The following MSANTD1 variants were observed in gnomAD, a reference collection of about 807,000 sequenced individuals.
MSANTD1 encodes the protein myb/SANT-like DNA-binding domain-containing protein 1.
Under a neutral mutation model 24.2 loss-of-function variants are expected in MSANTD1, and 7 were observed. That is an observed-to-expected ratio of 0.29 (90% CI 0.16 to 0.54). MSANTD1 has a LOEUF of 0.54. MSANTD1 is among the 20% of genes least tolerant of loss of function. MSANTD1 has a pLI of 0.94. For synonymous variants in MSANTD1, 177 were observed against 181.1 expected (o/e 0.98, Z 0.18); for missense variants, 384 against 408.2 (o/e 0.94, Z 0.51).
At chr4:3,255,476 T>C (rs1051884462) in intron 2 of MSANTD1, among the ~76,000 whole-genome samples, 1 of 152,132 alleles carries the variant, frequency 6.6e-6, no homozygotes, top group Admixed American at 6.5e-5. Flanking sequence ...CACCTGCCTC[T>C]GCCTCCCAAA....
intron 1 of MSANTD1, among the ~76,000 whole-genome samples, chr4:3,250,147 G>A (rs903281193): frequency 3.3e-5 from 5 of 152,182 alleles, no homozygotes; most frequent in African/African-American, 1.2e-4. Flanking sequence ...GAAATCACCA[G>A]GTGAGGTGCA....
chr4:3,251,827 T>G (rs1297324450), intron 1 of MSANTD1, among the ~76,000 whole-genome samples: 1 of 152,090 alleles, frequency 6.6e-6, no homozygotes, highest in Admixed American at 6.5e-5. Context: ...GAATAGGCCT[T>G]TTCTCGTTTC....
At chr4:3,250,434 G>A (rs1187087801) in intron 1 of MSANTD1, among the ~76,000 whole-genome samples, 2 of 152,224 alleles carry the variant, frequency 1.3e-5, no homozygotes, top group East Asian at 3.8e-4. Flanking sequence ...ACAGGGTCCC[G>A]GGTGGGCAGG....
chr4:3,256,107 C>A lies in MSANTD1; in HGVS notation c.*142C>A, dbSNP rs1466776239. 2 of 1,059,776 alleles carry A rather than the reference C, an allele frequency of 1.9e-6. No homozygotes were observed. The highest frequency in any genetic ancestry group is 6.1e-5 in the East Asian group (2 of 32,888). 65.6% of individuals were successfully genotyped at this position (1,059,776 alleles called of 1,614,324 possible). A position where few individuals can be genotyped will look rare whatever the true frequency, so the allele number is the denominator to read the frequency against. Reference sequence around the variant, plus strand: ...TCCACCTGGCCTCTGGCAGGATGTCCCTTCTGAGGGGTATTTTGAGGAACC... The same window carrying A: ...TCCACCTGGCCTCTGGCAGGATGTCACTTCTGAGGGGTATTTTGAGGAACC... On this transcript the variant is annotated 3_prime_UTR_variant, in exon 3 of 3. Transcript: ENST00000438480.
intron 2 of MSANTD1, among the ~76,000 whole-genome samples, chr4:3,254,322 C>T (rs147092586): frequency 9.8e-5 from 15 of 152,328 alleles, no homozygotes; most frequent in African/African-American, 3.4e-4. Context: ...ATGCCGGGGG[C>T]CGCTGCTTGA....
At chr4:3,249,002 C>T (rs1032538425), upstream of MSANTD1, 3 of 415,060 alleles carry the variant, frequency 7.2e-6, no homozygotes, top group East Asian at 3.8e-5. Flanking sequence ...GCCCGCTCGC[C>T]GCAATATTGA....
intron 1 of MSANTD1, among the ~76,000 whole-genome samples, chr4:3,250,249 G>T (rs778665742): frequency 6.6e-6 from 1 of 152,174 alleles, no homozygotes; most frequent in Non-Finnish European, 1.5e-5. Context: ...GGGGGCTCCC[G>T]GCCTGGCCCC....
intron 1 of MSANTD1, among the ~76,000 whole-genome samples, chr4:3,250,797 G>A (rs1722201468): frequency 6.6e-6 from 1 of 152,152 alleles, no homozygotes; most frequent in Admixed American, 6.5e-5. Context: ...GCCACTTGTG[G>A]GAGAGGCCAC....
chr4:3,250,608 G>A (rs530744780), intron 1 of MSANTD1, among the ~76,000 whole-genome samples: 1 of 152,306 alleles, frequency 6.6e-6, no homozygotes, highest in Non-Finnish European at 1.5e-5. Context: ...AGCAAGAGCT[G>A]GAAGCTGCAG....
chr4:3,253,654 G>A (rs1560618127), intron 2 of MSANTD1, among the ~76,000 whole-genome samples, 172 bp downstream of exon 2: 1 of 152,234 alleles, frequency 6.6e-6, no homozygotes, highest in African/African-American at 2.4e-5. Flanking sequence ...GGGCTTTAGT[G>A]TCCACAGGCA....
intron 1 of MSANTD1, among the ~76,000 whole-genome samples, 178 bp downstream of exon 1, chr4:3,249,720 G>A (rs535359871): frequency 2.1e-4 from 32 of 152,264 alleles, no homozygotes; most frequent in South Asian, 6.2e-4. Context: ...CACGGAAACC[G>A]TGTGTGCAGC....
At chr4:3,250,743 G>A (rs1007079733) in intron 1 of MSANTD1, among the ~76,000 whole-genome samples, 2 of 152,150 alleles carry the variant, frequency 1.3e-5, no homozygotes, top group African/African-American at 2.4e-5. Flanking sequence ...TCCACCTCCG[G>A]GTCAGGCAGG....
upstream of MSANTD1, chr4:3,249,135 C>CT: frequency 1.6e-6 from 2 of 1,222,126 alleles, no homozygotes; most frequent in Non-Finnish European, 2.1e-6. Context: ...CGTTTAAAAG[C>CT]TTTTAACTAA....
At position 3,253,238 on chromosome 4, in the gene MSANTD1, G is replaced by A. The variant is rs199809605; in HGVS notation, c.352G>A (p.Ala118Thr). Reference sequence around the variant, plus strand: ...AAAATGCATGACAGATAGCGAGTCCGCCCCGCCCGACTGGCCCTATTACCT... The same window carrying A: ...AAAATGCATGACAGATAGCGAGTCCACCCCGCCCGACTGGCCCTATTACCT... ...KLKCMTDSES[A>T]PPDWPYYLAI... Residue 118 changes from alanine to threonine, a missense_variant, in exon 2 of 3, where the codon GCC becomes ACC. Ala to Thr is a moderately conservative substitution (Grantham distance 58). Transcript: ENST00000438480. 9 of 1,578,832 alleles carry A rather than the reference G, an allele frequency of 5.7e-6. No individual in the cohort carries two copies. Among genetic ancestry groups the A allele is most frequent in the South Asian group, 1.2e-5 (1 of 86,078 alleles).
intron 1 of MSANTD1, 118 bp from the exon 2 acceptor site, chr4:3,253,089 C>G (rs1452171580): frequency 9.0e-7 from 1 of 1,109,708 alleles, no homozygotes; most frequent in African/African-American, 1.6e-5. Context: ...GAGGCCCTTG[C>G]CAGCCGAGAG....
upstream of MSANTD1, among the ~76,000 whole-genome samples, chr4:3,245,961 G>A (rs886906772): frequency 2.0e-4 from 30 of 152,178 alleles, no homozygotes; most frequent in African/African-American, 7.2e-4. Context: ...TTCCCCTTGT[G>A]TGCACAGGCC....
chr4:3,251,998 T>A (rs918924163), intron 1 of MSANTD1, among the ~76,000 whole-genome samples: 2 of 152,244 alleles, frequency 1.3e-5, no homozygotes, highest in Admixed American at 6.5e-5. Context: ...CTGTGCCTGT[T>A]TGCTGGGGGC....
Position 3,250,450 on chromosome 4 carries a change from T to C in MSANTD1, c.320+908T>C, listed in dbSNP as rs540279625. Reference sequence around the variant, plus strand: ...CAGGGTCCCGGGTGGGCAGGGGTCATGGTGGGGTGAAGGTCTCAGGCACAG... The same window carrying C: ...CAGGGTCCCGGGTGGGCAGGGGTCACGGTGGGGTGAAGGTCTCAGGCACAG... On this transcript the variant is annotated intron_variant, in intron 1 of 2. Transcript: ENST00000438480. Among the ~76,000 whole-genome samples the C allele has an allele frequency of 2.0e-5, 3 of 152,112 alleles. No individual in the cohort carries two copies. The East Asian group carries it at 5.8e-4, about 29-fold the overall frequency.
In MSANTD1 at chr4:3,256,097, G is replaced by C. The variant is rs1390772604; in HGVS notation, c.*132G>C. ...GAGACCGCCTTCCACCTGGCCTCTG[G>C]CAGGATGTCCCTTCTGAGGGGTATT... On this transcript the variant is annotated 3_prime_UTR_variant, in exon 3 of 3. Coordinates refer to ENST00000438480, the MANE Select transcript of MSANTD1 (RefSeq NM_001042690.2). The C allele has an allele frequency of 1.3e-5, 15 of 1,157,174 alleles. No homozygotes were observed. The highest frequency in any genetic ancestry group is 1.7e-5 in the Non-Finnish European group (15 of 867,230). 71.7% of individuals were successfully genotyped at this position (1,157,174 alleles called of 1,614,324 possible). A position where few individuals can be genotyped will look rare whatever the true frequency, so the allele number is the denominator to read the frequency against.
Sources: gnomAD v4.1 joint callset for allele counts (sites outside exome capture counted in the v4.1 genomes callset) on GRCh38, gnomAD v4.1.1 for gene constraint, MANE v1.5 for transcripts, NCBI Gene and HGNC (gene_info 2026-07-23, HGNC 2026-07-21) for gene names.